The following RYR3 variants were observed in gnomAD, a reference collection of about 807,000 sequenced individuals.
The protein encoded by RYR3 is ryanodine receptor 3.
RYR3 carries 207 observed loss-of-function variants against 584.3 expected under a neutral mutation model. The observed-to-expected ratio is 0.35, with a 90% CI of 0.32 to 0.40. The LOEUF is 0.40. Ranked by LOEUF, RYR3 falls within the 10% of genes least tolerant of loss-of-function variation. RYR3 has a pLI of 1.00. For synonymous variants in RYR3, 2,416 were observed against 2,248.5 expected, an observed-to-expected ratio of 1.07 and a Z score of -2.11; for missense variants, 5,616 against 6,089.2, an observed-to-expected ratio of 0.92 and a Z score of 2.59.
intron 102 of RYR3, 27 bp from the exon 103 acceptor site, chr15:33,864,110 AT>A: frequency 6.4e-7 from 1 of 1,569,258 alleles, no homozygotes; most frequent in Non-Finnish European, 8.8e-7. Context: ...TGACCAGAGT[AT>A]CTAATACTAT....
intron 38 of RYR3, among the ~76,000 whole-genome samples, chr15:33,678,956 G>A (rs186855990): frequency 6.6e-6 from 1 of 152,312 alleles, no homozygotes; most frequent in Admixed American, 6.5e-5. Context: ...CACAACCTGG[G>A]CCAGAGAGGC....
At chr15:33,470,205 C>A (rs1211486568) in intron 1 of RYR3, among the ~76,000 whole-genome samples, 1 of 152,162 alleles carries the variant, frequency 6.6e-6, no homozygotes, top group Non-Finnish European at 1.5e-5. Context: ...TAGTGTCCCC[C>A]CAGCCCCCAC....
chr15:33,831,142 G>T, intron 86 of RYR3, 51 bp downstream of exon 86: 1 of 1,553,614 alleles, frequency 6.4e-7, no homozygotes. Flanking sequence ...TTGTTGATAT[G>T]CCTGTATTCT....
chr15:33,581,989 C>G (rs564508382), intron 14 of RYR3, among the ~76,000 whole-genome samples: 1 of 152,222 alleles, frequency 6.6e-6, no homozygotes, highest in Non-Finnish European at 1.5e-5. Context: ...ATCACCTGTA[C>G]TTTAAGAATT....
intron 1 of RYR3, among the ~76,000 whole-genome samples, chr15:33,448,638 G>T (rs2046864577): frequency 6.6e-6 from 1 of 152,238 alleles, no homozygotes; most frequent in African/African-American, 2.4e-5. Flanking sequence ...TTTGCTGCTA[G>T]ACCAAAGGTG....
chr15:33,765,428 T>A (rs904034392), intron 60 of RYR3, among the ~76,000 whole-genome samples: 3 of 151,756 alleles, frequency 2.0e-5, no homozygotes, highest in Middle Eastern at 3.4e-3. Flanking sequence ...AGGTCAGGAG[T>A]TCGAGACCAG....
At position 33,793,399 on chromosome 15, in the gene RYR3, G is replaced by A. The variant is rs145215730; in HGVS notation, c.9830+4941G>A. ...CTGTCTCCCCAGAGGTAGGGAGTGA[G>A]GCTGAAAGTTCCAACCCTCTTACCA... On this transcript the variant is annotated intron_variant, in intron 67 of 103. Coordinates refer to ENST00000634891, the MANE Select transcript of RYR3 (RefSeq NM_001036.6). Among the ~76,000 whole-genome samples the A allele has an allele frequency of 3.0e-3, 464 of 152,240 alleles. 5 individuals are homozygous for A. Among genetic ancestry groups the A allele is most frequent in the Admixed American group, 0.019 (284 of 15,292 alleles).
Position 33,696,458 on chromosome 15 carries a change from A to C in RYR3, c.6101A>C (p.Lys2034Thr). ...IRSLLSVRMG[K>T]EEELLMINGL... is the part of the protein sequence containing the mutation. The stretch of plus-strand genomic sequence containing the variant: ...TCCCTCCTCAGTGTCAGGATGGGCA[A>C]GGAAGAGGAGTTGCTCATGATCAAT... The change falls in exon 39 of 104, where the codon AAG becomes ACG. Residue 2034 changes from lysine to threonine, a missense_variant. By Grantham distance (78) the Lys-to-Thr change is moderately conservative (BLOSUM62 -1). This residue lies in a region of RYR3 where 1,280 missense variants were observed against 1,426.2 expected (regional missense o/e 0.90). Coordinates refer to ENST00000634891, the MANE Select transcript of RYR3 (RefSeq NM_001036.6). The C allele has an allele frequency of 6.2e-7, 1 of 1,613,986 alleles. No individual in the cohort carries two copies. Among genetic ancestry groups the C allele is most frequent in the Non-Finnish European group, 8.5e-7 (1 of 1,179,888 alleles).
At chr15:33,820,860 A>C (rs1437112961) in intron 78 of RYR3, 48 bp downstream of exon 78, 1 of 1,410,978 alleles carries the variant, frequency 7.1e-7, no homozygotes, top group African/African-American at 1.4e-5. Flanking sequence ...CAAGGCCAAT[A>C]GGCCAGGCCT....
In RYR3 at chr15:33,530,654, T is replaced by C; in HGVS notation, c.342T>C (p.Ser114=). ...GCCATGCAGTTCTCCTGAGGCACTC[T>C]TTCAGCGGAATGGTAAGCAGCTCTG... ...LYGHAVLLRH[S]FSGMYLTCLT... is the part of the protein sequence containing the mutation. Residue 114 remains serine (S), a synonymous_variant, in exon 4 of 104, where the codon TCT becomes TCC. Transcript: ENST00000634891. 9 of 1,613,208 alleles carry C rather than the reference T, an allele frequency of 5.6e-6. No individual in the cohort carries two copies. The highest frequency in any genetic ancestry group is 7.6e-6 in the Non-Finnish European group (9 of 1,179,326).
intron 3 of RYR3, among the ~76,000 whole-genome samples, chr15:33,519,625 G>GT (rs5811766): frequency 1.2e-3 from 174 of 146,202 alleles, no homozygotes; most frequent in Admixed American, 2.2e-3. Flanking sequence ...CTTTTATGTT[G>GT]TTTTTTTTTT....
intron 3 of RYR3, among the ~76,000 whole-genome samples, chr15:33,514,031 A>G (rs964354029): frequency 2.0e-5 from 3 of 152,144 alleles, no homozygotes; most frequent in Non-Finnish European, 4.4e-5. Flanking sequence ...TTGCCCAAAT[A>G]TCAGATAGGT....
intron 19 of RYR3, among the ~76,000 whole-genome samples, chr15:33,622,130 T>C (rs2060756715): frequency 6.6e-6 from 1 of 152,202 alleles, no homozygotes; most frequent in Admixed American, 6.5e-5. Flanking sequence ...TCTATCTGCA[T>C]AGGGCGACTA....
At position 33,566,683 on chromosome 15, in the gene RYR3, A is replaced by T; in HGVS notation, c.1152A>T (p.Ile384=). Residue 384 remains isoleucine, a synonymous_variant, in exon 12 of 104, where the codon ATA becomes ATT. Coordinates refer to ENST00000634891, the MANE Select transcript of RYR3 (RefSeq NM_001036.6). ...GTCCCTTGCCCTGTGGGTAGGTCAT[A>T]CTCCATCAGGAAGGCCACATGGATG... is the stretch of plus-strand genomic sequence containing the variant. ...SRLGPLKRKV[I]LHQEGHMDDG... 6.2e-7 allele frequency: 1 copy of T among 1,613,636 alleles called. No homozygotes were observed. Among genetic ancestry groups the T allele is most frequent in the Non-Finnish European group, 8.5e-7 (1 of 1,179,640 alleles).
intron 9 of RYR3, among the ~76,000 whole-genome samples, chr15:33,549,066 C>T (rs1293381103): frequency 1.4e-5 from 1 of 72,388 alleles, no homozygotes; most frequent in Non-Finnish European, 4.2e-5. Flanking sequence ...CACATATGCA[C>T]ACGTTTTTTT....
intron 1 of RYR3, among the ~76,000 whole-genome samples, chr15:33,437,165 A>C (rs2045806179): frequency 6.6e-6 from 1 of 151,392 alleles, no homozygotes; most frequent in African/African-American, 2.4e-5. Flanking sequence ...TGAAAATTCA[A>C]TATGATTGCA....
intron 1 of RYR3, among the ~76,000 whole-genome samples, chr15:33,421,509 A>G (rs562091489): frequency 6.1e-4 from 93 of 152,316 alleles, no homozygotes; most frequent in African/African-American, 2.2e-3. Flanking sequence ...AAAAAGGCGA[A>G]GGAAGCCTCT....
chr15:33,588,941 A>G (rs1471489066), intron 16 of RYR3, among the ~76,000 whole-genome samples: 1 of 152,194 alleles, frequency 6.6e-6, no homozygotes, highest in Non-Finnish European at 1.5e-5. Context: ...TCTTTTTGAT[A>G]TAGCAATTTA....
rs775206941 is a variant in RYR3, at chr15:33,636,555, A to G, written c.3556+5A>G. The G allele has an allele frequency of 6.4e-7, 1 of 1,572,134 alleles. No homozygotes were observed. The highest frequency in any genetic ancestry group is 2.2e-5 in the East Asian group (1 of 44,550). ...CTGACTACGAGATTGAGAATGGTAA[A>G]TCTAACACCCTCTGCCAACCCCAGC... On this transcript the variant is annotated splice_donor_5th_base_variant and intron_variant, in intron 27 of 103. Transcript: ENST00000634891.
Sources: allele counts gnomAD v4.1 joint callset (sites outside exome capture counted in the v4.1 genomes callset), GRCh38; gene constraint gnomAD v4.1.1; regional missense constraint gnomAD v4.1.1; transcripts MANE v1.5; gene names NCBI Gene and HGNC (gene_info 2026-07-23, HGNC 2026-07-21).